Variants in PHF20 observed in about 807,000 individuals in gnomAD.
PHF20 encodes the protein glioma-expressed antigen 2.
PHF20 carries 23 observed loss-of-function variants against 113.5 expected under a neutral mutation model. The ratio of observed to expected loss-of-function variants is 0.20; its 90% confidence interval spans 0.15 to 0.29. The LOEUF is 0.29. Among genes scored for constraint, PHF20 ranks in the 10% least tolerant of loss-of-function variants. The probability of loss-of-function intolerance (pLI) is 1.00; values close to 1 mark genes in which losing one functional copy is unlikely to be tolerated. For missense variants in PHF20, 943 were observed against 1,219.6 expected (o/e 0.77, Z 3.38); for synonymous variants, 434 against 457.3 (o/e 0.95, Z 0.65).
intron 9 of PHF20, among the ~76,000 whole-genome samples, chr20:35,875,282 C>T (rs2054499395): frequency 1.3e-5 from 2 of 151,964 alleles, no homozygotes. Flanking sequence ...CCTGTAGTCC[C>T]AGCTACTCTG....
At chr20:35,896,627 T>G (rs919351258) in intron 9 of PHF20, among the ~76,000 whole-genome samples, 8 of 149,940 alleles carry the variant, frequency 5.3e-5, no homozygotes, top group African/African-American at 2.0e-4. Context: ...GCTGGACCAG[T>G]CTCTACTAAA....
intron 9 of PHF20, among the ~76,000 whole-genome samples, chr20:35,895,267 G>C (rs113590473): frequency 0.058 from 8,867 of 152,088 alleles, 408 homozygotes; most frequent in African/African-American, 0.13. Flanking sequence ...CAAGTGATCT[G>C]CCCACCTCAG....
intron 2 of PHF20, among the ~76,000 whole-genome samples, chr20:35,839,317 G>A (rs1278257923): frequency 6.6e-6 from 1 of 150,654 alleles, no homozygotes; most frequent in Non-Finnish European, 1.5e-5. Flanking sequence ...CATGAACCCA[G>A]GAGGCGGAGC....
At chr20:35,899,244 C>A in intron 9 of PHF20, 126 bp from the exon 10 acceptor site, 1 of 693,862 alleles carries the variant, frequency 1.4e-6, no homozygotes, top group Non-Finnish European at 2.4e-6. Context: ...GAGGTAATGG[C>A]AGTCTGATGT....
intron 10 of PHF20, among the ~76,000 whole-genome samples, chr20:35,911,355 T>C (rs6058361): frequency 3.3e-5 from 5 of 152,342 alleles, no homozygotes; most frequent in African/African-American, 1.2e-4. Context: ...TGTTCCTACC[T>C]TTATTGCTGA....
intron 13 of PHF20, among the ~76,000 whole-genome samples, chr20:35,925,511 G>A (rs982926855): frequency 4.7e-4 from 72 of 151,798 alleles, no homozygotes; most frequent in Non-Finnish European, 8.4e-4. Context: ...TGATCCCCCC[G>A]CCTCGGCCTC....
chr20:35,807,007 G>A (rs934257480), intron 2 of PHF20, among the ~76,000 whole-genome samples: 1 of 151,902 alleles, frequency 6.6e-6, no homozygotes, highest in Admixed American at 6.6e-5. Context: ...GTGTTAGCCA[G>A]GATGGTCTCG....
In PHF20 at chr20:35,811,954, T is replaced by A. The variant is rs561347823; in HGVS notation, c.83+10349T>A. Among the ~76,000 whole-genome samples the A allele has an allele frequency of 4.2e-4, 64 of 151,202 alleles. 3 individuals are homozygous for A. In the South Asian group the frequency reaches 0.013, roughly 30 times the overall value. Reference sequence around the variant, plus strand: ...CCCGGCTAATTTTTTTGTATTTTTTTAATAGAGACGGGGTTTCACCGTGTT... The same window carrying A: ...CCCGGCTAATTTTTTTGTATTTTTTAAATAGAGACGGGGTTTCACCGTGTT... On this transcript the variant is annotated intron_variant, in intron 2 of 17. Coordinates refer to ENST00000374012, the MANE Select transcript of PHF20 (RefSeq NM_016436.5).
chr20:35,929,103 C>T (rs751465785), intron 14 of PHF20, among the ~76,000 whole-genome samples: 4 of 152,322 alleles, frequency 2.6e-5, no homozygotes, highest in Non-Finnish European at 2.9e-5. Flanking sequence ...CCTCTGCTTC[C>T]GTTACTCCTT....
Position 35,939,010 on chromosome 20 carries a change from C to T in PHF20, c.2614C>T (p.His872Tyr), listed in dbSNP as rs773547250. 6.2e-7 allele frequency: 1 copy of T among 1,614,182 alleles called. No individual in the cohort carries two copies. Among genetic ancestry groups the T allele is most frequent in the Non-Finnish European group, 8.5e-7 (1 of 1,180,032 alleles). The change falls in exon 16 of 18, where the codon CAT becomes TAT. Residue 872 changes from histidine (H) to tyrosine (Y), a missense_variant. By Grantham distance (83) the His-to-Tyr change is moderately conservative. This residue lies in a region of PHF20 where 349 missense variants were observed against 412.3 expected (regional missense o/e 0.85). Coordinates refer to ENST00000374012, the MANE Select transcript of PHF20 (RefSeq NM_016436.5). The part of the protein sequence containing the change: ...SALDDAVNPL[H>Y]ENGDDSLSPR... ...CCTCGACGATGCGGTCAACCCCCTC[C>T]ATGAGAACGGCGATGATTCCCTTTC...
chr20:35,871,236 T>C, intron 8 of PHF20, 102 bp downstream of exon 8: 1 of 956,818 alleles, frequency 1.0e-6, no homozygotes. Context: ...TTAAATTGTC[T>C]TGAAATCAAA....
intron 4 of PHF20, among the ~76,000 whole-genome samples, chr20:35,856,681 G>T (rs772003886): frequency 6.6e-6 from 1 of 152,190 alleles, no homozygotes; most frequent in Non-Finnish European, 1.5e-5. Context: ...CAGATCGGGG[G>T]TAATCATTAG....
At chr20:35,928,042 C>A (rs2055676912) in intron 14 of PHF20, among the ~76,000 whole-genome samples, 163 bp downstream of exon 14, 2 of 152,340 alleles carry the variant, frequency 1.3e-5, no homozygotes, top group South Asian at 4.1e-4. Context: ...TTGTGGCCAG[C>A]TATCCTGAAC....
chr20:35,895,003 G>A (rs146327463), intron 9 of PHF20, among the ~76,000 whole-genome samples: 1,636 of 151,922 alleles, frequency 0.011, 21 homozygotes, highest in Middle Eastern at 0.027. Context: ...CTACAGGCGC[G>A]CACCATGCCC....
Position 35,947,979 on chromosome 20 carries a change from A to C in PHF20, c.*352A>C. The C allele has an allele frequency of 5.1e-6, 1 of 196,350 alleles. No individual in the cohort carries two copies. Among genetic ancestry groups the C allele is most frequent in the Non-Finnish European group, 1.1e-5 (1 of 95,182 alleles). The allele number at this position is 196,350 out of a possible 1,614,324, so 12.2% of individuals were successfully genotyped here. ...TTTAGTTGGAGACAGTTGTAAATTC[A>C]ATTTGGAGTTTATTTAATTGACTTT... is the stretch of plus-strand genomic sequence containing the variant. On this transcript the variant is annotated 3_prime_UTR_variant, in exon 18 of 18. Transcript: ENST00000374012.
intron 2 of PHF20, among the ~76,000 whole-genome samples, chr20:35,831,488 G>T (rs2042358129): frequency 6.6e-6 from 1 of 152,068 alleles, no homozygotes; most frequent in Non-Finnish European, 1.5e-5. Flanking sequence ...TAGAAATAGG[G>T]TCTCACTTTC....
chr20:35,804,910 A>G (rs1294080965), intron 2 of PHF20, among the ~76,000 whole-genome samples: 2 of 151,846 alleles, frequency 1.3e-5, no homozygotes, highest in Non-Finnish European at 2.9e-5. Context: ...TATTTTTTTG[A>G]AACGCTGTCG....
At chr20:35,856,702 G>T (rs1318254834) in intron 4 of PHF20, among the ~76,000 whole-genome samples, 2 of 152,322 alleles carry the variant, frequency 1.3e-5, no homozygotes, top group East Asian at 1.9e-4. Flanking sequence ...TAGCTGAAAA[G>T]CCCGGAAGCT....
chr20:35,934,030 C>A (rs1389999058), intron 15 of PHF20, among the ~76,000 whole-genome samples: 2 of 152,194 alleles, frequency 1.3e-5, no homozygotes, highest in Non-Finnish European at 1.5e-5. Flanking sequence ...TTAGTATAGT[C>A]TGTGTCAGGG....
Sources: allele counts gnomAD v4.1 joint callset (sites outside exome capture counted in the v4.1 genomes callset), GRCh38; gene constraint gnomAD v4.1.1; regional missense constraint gnomAD v4.1.1; transcripts MANE v1.5; gene names NCBI Gene and HGNC (gene_info 2026-07-23, HGNC 2026-07-21).